The following NLGN1 variants were observed in gnomAD, a reference collection of about 807,000 sequenced individuals.
NLGN1 encodes neuroligin 1, also known as neuroligin-1.
A neutral mutation model predicts 65.5 loss-of-function variants in NLGN1; 12 were observed. The ratio of observed to expected loss-of-function variants is 0.18; its 90% CI spans 0.12 to 0.30. The LOEUF is 0.30. Ranked by LOEUF, NLGN1 falls within the 10% of genes least tolerant of loss-of-function variation. NLGN1 has a pLI of 1.00. For missense variants in NLGN1, 750 were observed against 1,007.1 expected, an observed-to-expected ratio of 0.74 and a Z score of 3.46; for synonymous variants, 350 against 359.5, an observed-to-expected ratio of 0.97 and a Z score of 0.30.
At chr3:173,612,499 C>G (rs968513533) in intron 3 of NLGN1, among the ~76,000 whole-genome samples, 4 of 151,976 alleles carry the variant, frequency 2.6e-5, no homozygotes, top group Non-Finnish European at 5.9e-5. Context: ...ACTAATAGTC[C>G]TTGCTGTTCC....
intron 3 of NLGN1, among the ~76,000 whole-genome samples, chr3:173,692,425 C>A (rs1172885607): frequency 2.6e-5 from 4 of 151,952 alleles, no homozygotes; most frequent in African/African-American, 7.2e-5. Flanking sequence ...TCTCTATAGC[C>A]CTAAATGTTA....
intron 2 of NLGN1, among the ~76,000 whole-genome samples, chr3:173,483,346 C>T (rs1727616680): frequency 6.6e-6 from 1 of 151,758 alleles, no homozygotes. Flanking sequence ...TTTTATAACT[C>T]AATAGGAGGG....
intron 3 of NLGN1, among the ~76,000 whole-genome samples, chr3:173,773,163 G>A (rs1232423182): frequency 6.6e-6 from 1 of 152,024 alleles, no homozygotes; most frequent in East Asian, 1.9e-4. Context: ...TCCCCACTGT[G>A]CTCAAAGAGC....
chr3:173,414,583 G>GAA (rs34213418), intron 1 of NLGN1, among the ~76,000 whole-genome samples: 20 of 141,144 alleles, frequency 1.4e-4, no homozygotes, highest in South Asian at 4.5e-4. Flanking sequence ...ATCTCCATGT[G>GAA]AAAAAAAAAA....
At chr3:174,051,231 T>C (rs1045181011) in intron 4 of NLGN1, among the ~76,000 whole-genome samples, 1 of 152,070 alleles carries the variant, frequency 6.6e-6, no homozygotes, top group African/African-American at 2.4e-5. Context: ...TTGTCTCCAA[T>C]TCCAGGGTGC....
At position 173,449,237 on chromosome 3, in the gene NLGN1, C is replaced by T. The variant is rs1460487494; in HGVS notation, c.-321+14159C>T. 6.6e-5 allele frequency among the ~76,000 whole-genome samples: 10 copies of T among 152,078 alleles called. No individual in the cohort carries two copies. In the South Asian group the frequency reaches 1.3e-3, roughly 19 times the overall value. ...TTCCCTCTACACACTGCTTTGAATG[C>T]GTCCCAGAGATTCTGGTATGTTATG... On this transcript the variant is annotated intron_variant, in intron 2 of 6. Transcript: ENST00000457714.
intron 4 of NLGN1, among the ~76,000 whole-genome samples, chr3:173,830,288 T>C (rs758574998): frequency 6.6e-6 from 1 of 152,140 alleles, no homozygotes; most frequent in Non-Finnish European, 1.5e-5. Flanking sequence ...AGGGAAGTCA[T>C]GTAGCCAGTG....
intron 4 of NLGN1, among the ~76,000 whole-genome samples, chr3:173,938,148 A>G (rs1268513743): frequency 6.6e-6 from 1 of 152,148 alleles, no homozygotes; most frequent in East Asian, 1.9e-4. Flanking sequence ...CAGAAATTGC[A>G]TCATATTTTG....
intron 4 of NLGN1, among the ~76,000 whole-genome samples, chr3:174,192,758 T>G (rs1301798980): frequency 2.0e-5 from 3 of 152,188 alleles, no homozygotes; most frequent in African/African-American, 4.8e-5. Context: ...TAGTTTTATT[T>G]GCCTATGAAA....
chr3:174,232,956 C>T (rs1202088321), intron 4 of NLGN1, among the ~76,000 whole-genome samples: 1 of 152,178 alleles, frequency 6.6e-6, no homozygotes. Context: ...CAAGTGGCAG[C>T]CATTTCAAAA....
intron 4 of NLGN1, among the ~76,000 whole-genome samples, chr3:174,187,537 T>C (rs902473858): frequency 1.3e-5 from 2 of 152,004 alleles, no homozygotes; most frequent in Admixed American, 1.3e-4. Context: ...GCTGTATGGA[T>C]GACGTGGATT....
chr3:174,133,456 A>G (rs990968368), intron 4 of NLGN1, among the ~76,000 whole-genome samples: 1 of 152,148 alleles, frequency 6.6e-6, no homozygotes, highest in African/African-American at 2.4e-5. Flanking sequence ...ATTCAGTATT[A>G]ATTAACGCCT....
intron 2 of NLGN1, among the ~76,000 whole-genome samples, chr3:173,570,493 C>A (rs1046441058): frequency 6.6e-6 from 1 of 152,088 alleles, no homozygotes; most frequent in African/African-American, 2.4e-5. Flanking sequence ...AAATCTTTAA[C>A]TGGGTGAGCT....
chr3:173,801,817 C>T (rs537331271), intron 3 of NLGN1, among the ~76,000 whole-genome samples: 2 of 152,148 alleles, frequency 1.3e-5, no homozygotes, highest in African/African-American at 4.8e-5. Context: ...TAAAAATAAA[C>T]TTATACTATC....
intron 4 of NLGN1, among the ~76,000 whole-genome samples, chr3:174,097,445 G>T (rs1176851823): frequency 6.6e-6 from 1 of 151,998 alleles, no homozygotes; most frequent in Non-Finnish European, 1.5e-5. Context: ...GGCCCAAAAG[G>T]GAACCTTTAA....
chr3:174,152,249 CTATATGTCTATCCTTCTATA>C (rs1227481437), intron 4 of NLGN1, among the ~76,000 whole-genome samples: 2 of 152,202 alleles, frequency 1.3e-5, no homozygotes, highest in African/African-American at 2.4e-5. Flanking sequence ...ATGTCTATAT[CTATATGTCTATCCTTCTATA>C]TATATGTCTA....
intron 4 of NLGN1, among the ~76,000 whole-genome samples, chr3:174,253,213 T>A (rs1745084276): frequency 6.6e-6 from 1 of 152,174 alleles, no homozygotes; most frequent in South Asian, 2.1e-4. Context: ...ATTCTGTACT[T>A]GTATACTTTT....
intron 4 of NLGN1, among the ~76,000 whole-genome samples, chr3:173,974,782 T>G (rs977900554): frequency 6.6e-6 from 1 of 152,084 alleles, no homozygotes; most frequent in Non-Finnish European, 1.5e-5. Flanking sequence ...TTCTGTTTTG[T>G]CAGTCCTAGC....
At chr3:174,102,908 G>A (rs944370040) in intron 4 of NLGN1, among the ~76,000 whole-genome samples, 2 of 152,142 alleles carry the variant, frequency 1.3e-5, no homozygotes, top group African/African-American at 2.4e-5. Context: ...TTAAGATGGA[G>A]GAGAGTCTGG....
Sources: gnomAD v4.1 joint callset for allele counts (sites outside exome capture counted in the v4.1 genomes callset) on GRCh38, gnomAD v4.1.1 for gene constraint, MANE v1.5 for transcripts, NCBI Gene and HGNC (gene_info 2026-07-23, HGNC 2026-07-21) for gene names.